RIMKLB: variants seen among roughly 807,000 people sequenced by gnomAD.
RIMKLB encodes the protein ribosomal modification protein rimK like family member B.
In RIMKLB, 7 loss-of-function variants were observed where a neutral mutation model predicts 32.0. The observed-to-expected ratio is 0.22, with a 90% CI of 0.12 to 0.41. RIMKLB has a LOEUF of 0.41. Ranked by LOEUF, RIMKLB falls within the 10% of genes least tolerant of loss-of-function variation. The probability of loss-of-function intolerance (pLI) is 1.00; values close to 1 mark genes in which losing one functional copy is unlikely to be tolerated. For missense variants in RIMKLB, 289 were observed against 498.7 expected, an observed-to-expected ratio of 0.58 and a Z score of 4.00; for synonymous variants, 172 against 185.1, an observed-to-expected ratio of 0.93 and a Z score of 0.57.
intron 2 of RIMKLB, among the ~76,000 whole-genome samples, chr12:8,737,817 C>T (rs1023545807): frequency 6.6e-5 from 10 of 152,144 alleles, no homozygotes; most frequent in African/African-American, 1.7e-4. Flanking sequence ...CAGCTTCAAG[C>T]GATTCTCTTC....
chr12:8,753,797 A>G, intron 4 of RIMKLB, 93 bp from the exon 5 acceptor site: 1 of 993,970 alleles, frequency 1.0e-6, no homozygotes, highest in Non-Finnish European at 1.5e-6. Context: ...TGGTTCTGAA[A>G]TAGCAGATTG....
intron 5 of RIMKLB, among the ~76,000 whole-genome samples, chr12:8,766,271 A>G (rs1949951728): frequency 6.6e-6 from 1 of 152,184 alleles, no homozygotes; most frequent in South Asian, 2.1e-4. Flanking sequence ...CTGATGTAGC[A>G]GTCCTGCACC....
intron 4 of RIMKLB, among the ~76,000 whole-genome samples, chr12:8,752,387 A>G (rs1948684480): frequency 6.6e-6 from 1 of 152,200 alleles, no homozygotes; most frequent in South Asian, 2.1e-4. Flanking sequence ...CCTCGCCTCA[A>G]CTAAAAATAC....
At chr12:8,760,278 C>CT (rs1565411408) in intron 5 of RIMKLB, among the ~76,000 whole-genome samples, 1 of 152,160 alleles carries the variant, frequency 6.6e-6, no homozygotes, top group East Asian at 1.9e-4. Context: ...TGAACTCATC[C>CT]TTTTTTATGG....
intron 2 of RIMKLB, among the ~76,000 whole-genome samples, chr12:8,718,637 GTC>G (rs759765108): frequency 0.049 from 6,691 of 135,538 alleles, 397 homozygotes; most frequent in African/African-American, 0.15. Context: ...GCGAGACTCC[GTC>G]TCTCTCTCTC....
chr12:8,731,814 A>T (rs1350268042), intron 2 of RIMKLB, among the ~76,000 whole-genome samples: 1 of 151,840 alleles, frequency 6.6e-6, no homozygotes, highest in Non-Finnish European at 1.5e-5. Flanking sequence ...TCAAGCGAGG[A>T]TATATATTTT....
chr12:8,705,298 G>T (rs1943763008), intron 1 of RIMKLB, among the ~76,000 whole-genome samples: 1 of 152,056 alleles, frequency 6.6e-6, no homozygotes, highest in Non-Finnish European at 1.5e-5. Flanking sequence ...CCAACATGGC[G>T]AAACTCCATC....
At chr12:8,687,402 T>C (rs1425413378) in intron 1 of RIMKLB, among the ~76,000 whole-genome samples, 1 of 152,222 alleles carries the variant, frequency 6.6e-6, no homozygotes, top group South Asian at 2.1e-4. Flanking sequence ...TCCTGTTAAC[T>C]TTTTCTTAGT....
chr12:8,707,782 G>A (rs1944027192), intron 1 of RIMKLB, among the ~76,000 whole-genome samples: 1 of 152,196 alleles, frequency 6.6e-6, no homozygotes, highest in Non-Finnish European at 1.5e-5. Context: ...TGTATGCCAG[G>A]AAACAGGGTT....
intron 2 of RIMKLB, among the ~76,000 whole-genome samples, chr12:8,728,225 C>A (rs186696041): frequency 6.6e-6 from 1 of 152,308 alleles, no homozygotes; most frequent in African/African-American, 2.4e-5. Context: ...CTACATCTGT[C>A]TCTGGTTAGT....
chr12:8,678,176 A>C (rs1301469113), upstream of RIMKLB, among the ~76,000 whole-genome samples: 1 of 150,338 alleles, frequency 6.7e-6, no homozygotes, highest in African/African-American at 2.4e-5. Context: ...TTTTAATTAA[A>C]AATTTTTTTT....
intron 5 of RIMKLB, among the ~76,000 whole-genome samples, chr12:8,763,437 T>C (rs1033558556): frequency 6.6e-6 from 1 of 152,224 alleles, no homozygotes; most frequent in Non-Finnish European, 1.5e-5. Context: ...TTAATTAGTG[T>C]ATATAATGGC....
chr12:8,782,644 G>A (rs1334419804), intron 7 of RIMKLB, among the ~76,000 whole-genome samples: 4 of 152,128 alleles, frequency 2.6e-5, no homozygotes, highest in Non-Finnish European at 5.9e-5. Flanking sequence ...GGTTGCTCTT[G>A]TAAAACAGTA....
chr12:8,758,084 A>C (rs945650311), intron 5 of RIMKLB, among the ~76,000 whole-genome samples: 1 of 151,678 alleles, frequency 6.6e-6, no homozygotes, highest in Admixed American at 6.6e-5. Context: ...GGCGTGAGCC[A>C]CTGCGCCTGG....
At chr12:8,717,491 G>C (rs1944979879) in intron 2 of RIMKLB, among the ~76,000 whole-genome samples, 1 of 150,786 alleles carries the variant, frequency 6.6e-6, no homozygotes, top group South Asian at 2.1e-4. Context: ...CTGCTCTCTT[G>C]AACTTCTCTT....
At chr12:8,716,665 C>T (rs1041113602) in intron 2 of RIMKLB, among the ~76,000 whole-genome samples, 9 of 148,816 alleles carry the variant, frequency 6.0e-5, no homozygotes, top group Non-Finnish European at 1.3e-4. Context: ...AGTGGGGCTT[C>T]CCATGGCTTC....
chr12:8,740,862 C>G (rs1046373250), intron 2 of RIMKLB, among the ~76,000 whole-genome samples: 1 of 152,124 alleles, frequency 6.6e-6, no homozygotes, highest in Non-Finnish European at 1.5e-5. Context: ...CACTTGAGGT[C>G]AGGAGTTCAA....
At chr12:8,716,537 G>A (rs773217874) in intron 2 of RIMKLB, among the ~76,000 whole-genome samples, 100 of 141,330 alleles carry the variant, frequency 7.1e-4, no homozygotes, top group African/African-American at 2.4e-3. Context: ...CACTATCCTG[G>A]CTCAGGCTAT....
At chr12:8,697,207 G>C (rs997967580), upstream of RIMKLB, 4 of 152,148 alleles carry the variant, frequency 2.6e-5, no homozygotes, top group African/African-American at 9.7e-5. Context: ...GGCAGAGCTG[G>C]CGCTATCCAC....
Sources: allele counts gnomAD v4.1 joint callset (sites outside exome capture counted in the v4.1 genomes callset), GRCh38; gene constraint gnomAD v4.1.1; transcripts MANE v1.5; gene names NCBI Gene and HGNC (gene_info 2026-07-23, HGNC 2026-07-21).